Variants in TMC3 observed in about 807,000 individuals in gnomAD.
The protein encoded by TMC3 is transmembrane channel-like protein 3.
In TMC3, 98 loss-of-function variants were observed where a neutral mutation model predicts 110.6. The observed-to-expected ratio is 0.89, with a 90% CI of 0.75 to 1.05. The LOEUF (loss-of-function observed/expected upper bound fraction) is 1.05. Among genes scored for constraint, TMC3 ranks in the 50% least tolerant of loss-of-function variants. The probability of loss-of-function intolerance (pLI) is 0.00; values close to 1 mark genes in which losing one functional copy is unlikely to be tolerated. For synonymous variants in TMC3, 489 were observed against 513.1 expected, an observed-to-expected ratio of 0.95 and a Z score of 0.63; for missense variants, 1,319 against 1,373.2, an observed-to-expected ratio of 0.96 and a Z score of 0.62.
chr15:81,337,656 G>A, intron 19 of TMC3, 190 bp downstream of exon 19: 1 of 633,602 alleles, frequency 1.6e-6, no homozygotes, highest in South Asian at 1.8e-5. Context: ...TCCTAGCAAA[G>A]GGGAGCCATC....
chr15:81,359,550 AT>A (rs557640467), intron 4 of TMC3, 79 bp from the exon 5 acceptor site: 165 of 988,636 alleles, frequency 1.7e-4, no homozygotes, highest in South Asian at 1.9e-4. Context: ...GAACACCATA[AT>A]TTTTTTTACA....
intron 2 of TMC3, among the ~76,000 whole-genome samples, chr15:81,369,696 G>A (rs1894392626): frequency 6.6e-6 from 1 of 152,052 alleles, no homozygotes; most frequent in Non-Finnish European, 1.5e-5. Flanking sequence ...GGCTGAGGTG[G>A]GAGGATTACT....
intron 3 of TMC3, among the ~76,000 whole-genome samples, chr15:81,367,597 T>C (rs1259778271): frequency 6.6e-6 from 1 of 152,180 alleles, no homozygotes; most frequent in Non-Finnish European, 1.5e-5. Flanking sequence ...ACCTGCAGCT[T>C]TCTCATTGTA....
Position 81,332,610 on chromosome 15 carries a change from G to A in TMC3, c.3112C>T (p.Leu1038Phe). ...PRGKPRFEPSLTESDSVSAAS... is the reference protein window; with the variant it reads ...PRGKPRFEPSFTESDSVSAAS... ...GCCGACACGGAGTCAGATTCCGTGAGGGATGGCTCGAACCTGGGCTTCCCT... is the reference window on the plus strand; with the variant it reads ...GCCGACACGGAGTCAGATTCCGTGAAGGATGGCTCGAACCTGGGCTTCCCT... Residue 1038 changes from leucine (L) to phenylalanine (F), a missense_variant, in exon 22 of 22, where the codon CTC becomes TTC. Physicochemically the swap from Leu to Phe is conservative, Grantham distance 22. Transcript: ENST00000359440. The A allele has an allele frequency of 6.2e-7, 1 of 1,613,912 alleles. No individual in the cohort carries two copies. Among genetic ancestry groups the A allele is most frequent in the Non-Finnish European group, 8.5e-7 (1 of 1,179,842 alleles).
rs376065948 is a variant in TMC3, at chr15:81,344,746, G to T, written c.1518+20C>A. 16 of 1,611,722 alleles carry T rather than the reference G, an allele frequency of 9.9e-6. No homozygotes were observed. The Admixed American group carries it at 2.5e-4, about 25-fold the overall frequency. ...GATGAGATGGATATGACAGAGCTTT[G>T]TAAGGGTAAAGAGAACCACCTGACC... On this transcript the variant is annotated intron_variant, in intron 13 of 21. Transcript: ENST00000359440.
chr15:81,343,280 A>T lies in TMC3; in HGVS notation c.1713T>A (p.Ile571=). The T allele has an allele frequency of 6.2e-7, 1 of 1,602,840 alleles. No individual in the cohort carries two copies. Among genetic ancestry groups the T allele is most frequent in the Non-Finnish European group, 8.5e-7 (1 of 1,169,756 alleles). Residue 571 remains isoleucine, a splice_region_variant and synonymous_variant, in exon 15 of 22, where the codon ATT becomes ATA. Coordinates refer to ENST00000359440, the MANE Select transcript of TMC3 (RefSeq NM_001080532.3). The part of the protein sequence containing the change: ...VLHLVYNQGM[I]WMGAFFSPCL... ...CAAGAAGAAACTTTGATACCTACCA[A>T]ATCATTCCTTGGTTGTAGACTAAAT...
Position 81,371,142 on chromosome 15 carries a change from C to T in TMC3, c.236+1449G>A, listed in dbSNP as rs558730769. Among the ~76,000 whole-genome samples the T allele has an allele frequency of 3.9e-5, 6 of 152,328 alleles. No homozygotes were observed. The South Asian group carries it at 1.2e-3, about 32-fold the overall frequency. ...AGCTTGGGTTAGTCTCTTAACCTCT[C>T]TGAGTATCAACCTTCTTGTCTGAAA... On this transcript the variant is annotated intron_variant, in intron 2 of 21. Coordinates refer to ENST00000359440, the MANE Select transcript of TMC3 (RefSeq NM_001080532.3).
chr15:81,347,478 G>T (rs971820304), intron 11 of TMC3, among the ~76,000 whole-genome samples: 2 of 152,162 alleles, frequency 1.3e-5, no homozygotes, highest in South Asian at 2.1e-4. Context: ...CGGGATTCCC[G>T]TGGGCACAGT....
chr15:81,372,544 C>G (rs755215804), intron 2 of TMC3, 47 bp downstream of exon 2: 2 of 1,609,546 alleles, frequency 1.2e-6, no homozygotes, highest in East Asian at 4.5e-5. Flanking sequence ...GGTGGTTTAT[C>G]GGAAAGCATG....
chr15:81,345,743 G>A (rs559287335), intron 12 of TMC3, among the ~76,000 whole-genome samples: 2 of 152,236 alleles, frequency 1.3e-5, no homozygotes, highest in South Asian at 4.1e-4. Flanking sequence ...TGCAGCGGTG[G>A]CACGCAGCTC....
intron 12 of TMC3, 111 bp from the exon 13 acceptor site, chr15:81,345,122 T>C: frequency 6.8e-7 from 1 of 1,461,158 alleles, no homozygotes. Context: ...ATTGCATTGC[T>C]TGGGAGTAAT....
chr15:81,365,683 AAAG>A (rs750708291), intron 3 of TMC3, among the ~76,000 whole-genome samples: 7,255 of 111,380 alleles, frequency 0.065, 285 homozygotes, highest in African/African-American at 0.19. Flanking sequence ...AAAAAAAAAA[AAAG>A]AAAAAGAAAA....
chr15:81,340,761 T>G (rs1893697500), intron 16 of TMC3, among the ~76,000 whole-genome samples: 1 of 152,190 alleles, frequency 6.6e-6, no homozygotes, highest in African/African-American at 2.4e-5. Context: ...CCTAGGTATA[T>G]ATGCAACAAA....
chr15:81,333,075 G>A lies in TMC3; in HGVS notation c.2647C>T (p.His883Tyr). ...TTAATGACATAGTATCTGGGGGCGTGGGGCCTGGGACCCTGTGCCAGCAAA... is the reference window on the plus strand; with the variant it reads ...TTAATGACATAGTATCTGGGGGCGTAGGGCCTGGGACCCTGTGCCAGCAAA... ...STLLAQGPRP[H>Y]APRYYVINEC... The change falls in exon 22 of 22, where the codon CAC (histidine) becomes TAC (tyrosine). Residue 883 changes from histidine (H) to tyrosine (Y), a missense_variant. Coordinates refer to ENST00000359440, the MANE Select transcript of TMC3 (RefSeq NM_001080532.3). 2 of 1,613,694 alleles carry A rather than the reference G, an allele frequency of 1.2e-6. No individual in the cohort carries two copies. The highest frequency in any genetic ancestry group is 1.7e-6 in the Non-Finnish European group (2 of 1,179,578).
intron 10 of TMC3, 39 bp from the exon 11 acceptor site, chr15:81,349,606 G>T: frequency 7.8e-7 from 1 of 1,281,548 alleles, no homozygotes; most frequent in Non-Finnish European, 1.0e-6. Context: ...ACATTCCCAG[G>T]ACCCCCCACC....
chr15:81,363,908 C>T lies in TMC3; in HGVS notation c.313-1607G>A, dbSNP rs147893009. 3.9e-5 allele frequency among the ~76,000 whole-genome samples: 6 copies of T among 152,246 alleles called. No homozygotes were observed. The East Asian group carries it at 7.7e-4, about 20-fold the overall frequency. On this transcript the variant is annotated intron_variant, in intron 3 of 21. Transcript: ENST00000359440. ...GTTGGAAAGCATTGAGTCTCTGGCC[C>T]GTTTTAAAGCCCTGAAGTCTAAGAA...
At chr15:81,350,532 T>C (rs190858064) in intron 10 of TMC3, among the ~76,000 whole-genome samples, 9 of 152,236 alleles carry the variant, frequency 5.9e-5, no homozygotes, top group Non-Finnish European at 8.8e-5. Flanking sequence ...AAACTATTCA[T>C]ATTTCTGTCT....
intron 4 of TMC3, chr15:81,361,992 G>T (rs751654475): frequency 1.0e-5 from 4 of 390,532 alleles, no homozygotes; most frequent in Non-Finnish European, 1.9e-5. Context: ...CAGCAGAGCC[G>T]CAGCGGAATG....
At chr15:81,361,543 T>C (rs972591510) in intron 4 of TMC3, among the ~76,000 whole-genome samples, 1 of 152,222 alleles carries the variant, frequency 6.6e-6, no homozygotes, top group Non-Finnish European at 1.5e-5. Flanking sequence ...TTTTTATTAA[T>C]CTCTTGGATA....
Sources: gnomAD v4.1 joint callset for allele counts (sites outside exome capture counted in the v4.1 genomes callset) on GRCh38, gnomAD v4.1.1 for gene constraint, MANE v1.5 for transcripts, NCBI Gene and HGNC (gene_info 2026-07-23, HGNC 2026-07-21) for gene names.